The following FOXP1 variants were observed in gnomAD, a reference collection of about 807,000 sequenced individuals.
The protein encoded by FOXP1 is forkhead box protein P1.
Under a neutral mutation model 98.2 loss-of-function variants are expected in FOXP1, and 15 were observed. The ratio of observed to expected loss-of-function variants is 0.15; its 90% CI spans 0.10 to 0.24. The LOEUF is 0.24. FOXP1 is among the 10% of genes least tolerant of loss of function. FOXP1 has a pLI of 1.00. For missense variants in FOXP1, 633 were observed against 848.5 expected, an observed-to-expected ratio of 0.75 and a Z score of 3.15; for synonymous variants, 371 against 314.5, an observed-to-expected ratio of 1.18 and a Z score of -1.90.
chr3:71,553,868 A>G (rs1434682096), intron 2 of FOXP1, among the ~76,000 whole-genome samples: 1 of 152,228 alleles, frequency 6.6e-6, no homozygotes, highest in Non-Finnish European at 1.5e-5. Context: ...TTATCTACGT[A>G]TATATAAAAT....
chr3:71,022,025 T>C (rs1340076540), intron 11 of FOXP1, among the ~76,000 whole-genome samples: 5 of 152,238 alleles, frequency 3.3e-5, no homozygotes, highest in African/African-American at 1.2e-4. Context: ...CAGAAACCAT[T>C]GCCTAAACTC....
chr3:71,091,394 G>A (rs559618276), intron 7 of FOXP1, among the ~76,000 whole-genome samples: 1 of 152,230 alleles, frequency 6.6e-6, no homozygotes, highest in South Asian at 2.1e-4. Flanking sequence ...TTGGGAGGCT[G>A]AGGCAGAAGT....
At chr3:71,533,160 T>C (rs1270297594) in intron 2 of FOXP1, among the ~76,000 whole-genome samples, 1 of 152,164 alleles carries the variant, frequency 6.6e-6, no homozygotes, top group Non-Finnish European at 1.5e-5. Flanking sequence ...ACTCCAACAT[T>C]TCACAACTGT....
chr3:70,967,732 A>T (rs1381762087), intron 19 of FOXP1, among the ~76,000 whole-genome samples: 1 of 90,866 alleles, frequency 1.1e-5, no homozygotes. Context: ...TTTTTTTGCA[A>T]ACTGCAGTTG....
intron 2 of FOXP1, among the ~76,000 whole-genome samples, chr3:71,504,375 G>A (rs1352566794): frequency 1.3e-5 from 2 of 152,176 alleles, no homozygotes; most frequent in East Asian, 1.9e-4. Flanking sequence ...AGTTGTCTGA[G>A]CAGACAGGTG....
At chr3:71,388,170 C>T (rs577287647) in intron 3 of FOXP1, among the ~76,000 whole-genome samples, 5 of 152,182 alleles carry the variant, frequency 3.3e-5, no homozygotes, top group Non-Finnish European at 7.4e-5. Context: ...TTTTAACTGT[C>T]GGCCTTATTT....
chr3:71,541,886 GT>G (rs2044856450), intron 2 of FOXP1: 3 of 464,378 alleles, frequency 6.5e-6, no homozygotes, highest in Admixed American at 5.8e-5. Context: ...GTCTTGCCTA[GT>G]TTTTAGGACT....
chr3:71,453,926 T>C (rs572272103), intron 3 of FOXP1, among the ~76,000 whole-genome samples: 52 of 152,068 alleles, frequency 3.4e-4, no homozygotes, highest in African/African-American at 1.2e-3. Context: ...CAGACATCTG[T>C]GTCTTAAGAC....
At chr3:71,358,939 T>C (rs2704797) in intron 4 of FOXP1, among the ~76,000 whole-genome samples, 36,483 of 152,034 alleles carry the variant, frequency 0.24, 4,885 homozygotes, top group Non-Finnish European at 0.3. Context: ...TTCCCACAAA[T>C]ATGATCCCCG....
At chr3:71,312,271 G>T (rs2074742591) in intron 4 of FOXP1, among the ~76,000 whole-genome samples, 1 of 152,232 alleles carries the variant, frequency 6.6e-6, no homozygotes, top group Non-Finnish European at 1.5e-5. Flanking sequence ...TTCAGCGAAA[G>T]AAAGGTAATC....
intron 5 of FOXP1, among the ~76,000 whole-genome samples, chr3:71,298,488 GAAAAAGA>G: frequency 1.2e-5 from 1 of 86,266 alleles, no homozygotes; most frequent in South Asian, 3.5e-4. Context: ...AAGAAAAAAA[GAAAAAGA>G]AAAAGAAAAT....
intron 4 of FOXP1, among the ~76,000 whole-genome samples, chr3:71,308,240 T>C (rs937470633): frequency 6.6e-6 from 1 of 152,188 alleles, no homozygotes; most frequent in African/African-American, 2.4e-5. Context: ...ATTTCATTGT[T>C]CAAGCCAATT....
intron 5 of FOXP1, among the ~76,000 whole-genome samples, chr3:71,266,826 G>A (rs2069717513): frequency 6.6e-6 from 1 of 152,154 alleles, no homozygotes; most frequent in African/African-American, 2.4e-5. Context: ...TGTGGTACTT[G>A]ATTTTCTGTT....
At position 71,396,746 on chromosome 3, in the gene FOXP1, T is replaced by G. The variant is rs1425412668; in HGVS notation, c.-167-37502A>C. Among the ~76,000 whole-genome samples, 3 of 138,548 alleles carry G rather than the reference T, an allele frequency of 2.2e-5. No homozygotes were observed. In the East Asian group the frequency reaches 5.8e-4, roughly 27 times the overall value. 90.9% of individuals were successfully genotyped at this position (138,548 alleles called of 152,430 possible). On this transcript the variant is annotated intron_variant, in intron 3 of 20. Transcript: ENST00000649528. ...AGCAACAGCAGAGCATTAAACCAAGTGTGGGTCCCTTCTAAGCGTCAGGTC... is the reference window on the plus strand; with the variant it reads ...AGCAACAGCAGAGCATTAAACCAAGGGTGGGTCCCTTCTAAGCGTCAGGTC...
chr3:71,069,338 A>G (rs1451457395), intron 7 of FOXP1, among the ~76,000 whole-genome samples: 1 of 152,230 alleles, frequency 6.6e-6, no homozygotes, highest in Non-Finnish European at 1.5e-5. Context: ...CTAAAAACAA[A>G]TCCCTTACTC....
chr3:71,348,588 A>G (rs2077563442), intron 4 of FOXP1, among the ~76,000 whole-genome samples: 1 of 150,928 alleles, frequency 6.6e-6, no homozygotes, highest in Non-Finnish European at 1.5e-5. Context: ...TGTATAAGTC[A>G]CACATGCAGG....
intron 17 of FOXP1, among the ~76,000 whole-genome samples, chr3:70,973,232 C>CCCCCCGCCCCCGCCCCG (rs2036688970): frequency 7.0e-6 from 1 of 143,244 alleles, no homozygotes; most frequent in African/African-American, 2.7e-5. Context: ...GGTGAACGGA[C>CCCCCCGCCCCCGCCCCG]CCCCCGCCCC....
intron 7 of FOXP1, among the ~76,000 whole-genome samples, chr3:71,059,736 T>C (rs1444987868): frequency 6.6e-6 from 1 of 152,126 alleles, no homozygotes; most frequent in East Asian, 1.9e-4. Flanking sequence ...ACAAAAATCA[T>C]GTTTAAGTGC....
intron 5 of FOXP1, among the ~76,000 whole-genome samples, chr3:71,263,304 C>CAACAAGT (rs2069333776): frequency 3.9e-5 from 6 of 152,120 alleles, no homozygotes. Context: ...ACAACAAAAC[C>CAACAAGT]GAGCCTGTGC....
Sources: allele counts gnomAD v4.1 joint callset (sites outside exome capture counted in the v4.1 genomes callset), GRCh38; gene constraint gnomAD v4.1.1; transcripts MANE v1.5; gene names NCBI Gene and HGNC (gene_info 2026-07-23, HGNC 2026-07-21).